Variants in CD36 observed in about 807,000 individuals in gnomAD.
CD36 encodes the protein platelet glycoprotein 4.
A neutral mutation model predicts 55.2 loss-of-function variants in CD36; 119 were observed. That is an observed-to-expected ratio of 2.15 (90% CI 1.86 to 2.51). CD36 has a LOEUF of 2.51. CD36 is among the 30% of genes most tolerant of loss of function. The probability of loss-of-function intolerance (pLI) is 0.00; values close to 1 mark genes in which losing one functional copy is unlikely to be tolerated. For missense variants in CD36, 819 were observed against 555.5 expected, an observed-to-expected ratio of 1.47 and a Z score of -4.77; for synonymous variants, 186 against 193.6, an observed-to-expected ratio of 0.96 and a Z score of 0.33.
chr7:80,665,394 A>G (rs1338096534), intron 7 of CD36, among the ~76,000 whole-genome samples: 2 of 86,866 alleles, frequency 2.3e-5, no homozygotes, highest in African/African-American at 5.8e-5. Flanking sequence ...TGTTTTTATT[A>G]ATATAAAGTA....
At chr7:80,638,031 C>A (rs2116245564), upstream of CD36, among the ~76,000 whole-genome samples, 1 of 151,782 alleles carries the variant, frequency 6.6e-6, no homozygotes, top group African/African-American at 2.4e-5. Flanking sequence ...GTGCTGTGAT[C>A]ATGAAATTTT....
chr7:80,648,946 A>G (rs963855618), intron 3 of CD36, among the ~76,000 whole-genome samples: 1 of 152,174 alleles, frequency 6.6e-6, no homozygotes, highest in Non-Finnish European at 1.5e-5. Flanking sequence ...GATTAACAGC[A>G]GAAAAGATTA....
At chr7:80,667,232 A>G (rs997691568) in intron 8 of CD36, among the ~76,000 whole-genome samples, 1 of 152,110 alleles carries the variant, frequency 6.6e-6, no homozygotes, top group African/African-American at 2.4e-5. Flanking sequence ...GGTTGAGACC[A>G]GCCTGGGCAA....
At chr7:80,671,188 C>CAGTCCATACCATAATTTGTGA (rs1797642871) in intron 10 of CD36, 24 bp downstream of exon 10, 1 of 1,451,544 alleles carries the variant, frequency 6.9e-7, no homozygotes, top group Non-Finnish European at 9.7e-7. Flanking sequence ...CTCAGTAGCA[C>CAGTCCATACCATAATTTGTGA]AGTCCATACC....
chr7:80,643,232 T>G (rs900389844), intron 1 of CD36, among the ~76,000 whole-genome samples: 1 of 152,162 alleles, frequency 6.6e-6, no homozygotes, highest in African/African-American at 2.4e-5. Flanking sequence ...GCCAGATAGA[T>G]TCACAACTAG....
chr7:80,609,615 A>G (rs1285424560), intron 1 of CD36, among the ~76,000 whole-genome samples: 1 of 152,198 alleles, frequency 6.6e-6, no homozygotes, highest in Non-Finnish European at 1.5e-5. Context: ...TACTTTAGGA[A>G]TGTATTTAAG....
At chr7:80,636,914 C>T (rs539316563), upstream of CD36, 1 of 151,976 alleles carries the variant, frequency 6.6e-6, no homozygotes. Context: ...AAATTTGATT[C>T]TTTGGACTGC....
At chr7:80,617,993 T>A (rs1793259146) in intron 1 of CD36, among the ~76,000 whole-genome samples, 1 of 152,182 alleles carries the variant, frequency 6.6e-6, no homozygotes, top group Non-Finnish European at 1.5e-5. Flanking sequence ...CTATTTTCTG[T>A]CATGCACAGT....
At chr7:80,663,880 G>A (rs923037325) in intron 6 of CD36, among the ~76,000 whole-genome samples, 1 of 152,010 alleles carries the variant, frequency 6.6e-6, no homozygotes, top group Non-Finnish European at 1.5e-5. Flanking sequence ...AGGATTACAA[G>A]GTTATATATC....
At chr7:80,667,035 C>T (rs1262047533) in intron 8 of CD36, among the ~76,000 whole-genome samples, 1 of 152,114 alleles carries the variant, frequency 6.6e-6, no homozygotes, top group African/African-American at 2.4e-5. Flanking sequence ...AATGAGCATT[C>T]ATAAACTTAG....
chr7:80,627,185 G>T (rs1212476516), intron 1 of CD36, among the ~76,000 whole-genome samples: 2 of 151,992 alleles, frequency 1.3e-5, no homozygotes, highest in Non-Finnish European at 2.9e-5. Context: ...TGCTACATTT[G>T]ATTATATTTT....
chr7:80,647,165 G>T (rs904180091), intron 3 of CD36: 1 of 332,254 alleles, frequency 3.0e-6, no homozygotes, highest in Non-Finnish European at 5.8e-6. Flanking sequence ...AGAGCATGTT[G>T]GCATGCTTTT....
At chr7:80,634,666 T>C (rs1345318215), upstream of CD36, among the ~76,000 whole-genome samples, 2 of 152,158 alleles carry the variant, frequency 1.3e-5, no homozygotes, top group African/African-American at 4.8e-5. Flanking sequence ...TTCTCAAATA[T>C]GTTGCAATAT....
At chr7:80,634,961 C>A (rs1000756391), upstream of CD36, among the ~76,000 whole-genome samples, 10 of 151,724 alleles carry the variant, frequency 6.6e-5, no homozygotes, top group Admixed American at 5.3e-4. Flanking sequence ...AAAAAATTGT[C>A]AAATGTCCAA....
chr7:80,656,303 T>C (rs945802478), intron 3 of CD36, among the ~76,000 whole-genome samples: 2 of 152,178 alleles, frequency 1.3e-5, no homozygotes, highest in African/African-American at 4.8e-5. Flanking sequence ...AAATCAACAG[T>C]CGTGTCTTCA....
At position 80,678,442 on chromosome 7, in the gene CD36, T is replaced by G. The variant is rs145762727; in HGVS notation, c.*2059T>G. 6.6e-6 allele frequency: 1 copy of G among 152,146 alleles called. No homozygotes were observed. The highest frequency in any genetic ancestry group is 2.4e-5 in the African/African-American group (1 of 41,518). 9.4% of individuals were successfully genotyped at this position (152,146 alleles called of 1,614,324 possible). A position where few individuals can be genotyped will look rare whatever the true frequency, so the allele number is the denominator to read the frequency against. ...GTTAATGCATATTGCTTCTAACAAGTGCATGAAGAAATAGAAGAAGCTATG... is the reference window on the plus strand; with the variant it reads ...GTTAATGCATATTGCTTCTAACAAGGGCATGAAGAAATAGAAGAAGCTATG... On this transcript the variant is annotated 3_prime_UTR_variant, in exon 15 of 15. Transcript: ENST00000447544.
intron 1 of CD36, among the ~76,000 whole-genome samples, chr7:80,631,662 G>A (rs1343626085): frequency 6.6e-6 from 1 of 151,222 alleles, no homozygotes; most frequent in Non-Finnish European, 1.5e-5. Context: ...TAAGATATTT[G>A]TCTTATGTAT....
At chr7:80,603,777 A>AAGAAAAAC (rs1792380697) in intron 1 of CD36, among the ~76,000 whole-genome samples, 2 of 151,758 alleles carry the variant, frequency 1.3e-5, no homozygotes, top group Admixed American at 1.3e-4. Flanking sequence ...GGCAAAAAAA[A>AAGAAAAAC]AAAAAAAAAG....
chr7:80,630,917 A>G lies in CD36; in HGVS notation c.-183-15171A>G, dbSNP rs1004584181. ...GGAGAATTGCAGAGTATGCCGAAAC[A>G]TAGAAAACATAAACATTTCAGTTTA... On this transcript the variant is annotated intron_variant, in intron 1 of 13. Transcript: ENST00000309881. Among the ~76,000 whole-genome samples, 5 of 152,090 alleles carry G rather than the reference A, an allele frequency of 3.3e-5. No homozygotes were observed. The South Asian group carries it at 1.0e-3, about 31-fold the overall frequency.
Sources: allele counts gnomAD v4.1 joint callset (sites outside exome capture counted in the v4.1 genomes callset), GRCh38; gene constraint gnomAD v4.1.1; transcripts MANE v1.5; gene names NCBI Gene and HGNC (gene_info 2026-07-23, HGNC 2026-07-21).